NVL: variants seen among roughly 807,000 people sequenced by gnomAD.
NVL encodes nuclear valosin-containing protein-like.
NVL carries 84 observed loss-of-function variants against 110.2 expected under a neutral mutation model. That is an observed-to-expected ratio of 0.76 (90% CI 0.64 to 0.91). The LOEUF (loss-of-function observed/expected upper bound fraction) is 0.91, where lower values mean the gene tolerates loss of function less well. Ranked by LOEUF, NVL falls within the 40% of genes least tolerant of loss-of-function variation. The pLI is 0.00. For missense variants in NVL, 882 were observed against 1,035.9 expected (o/e 0.85, Z 2.04); for synonymous variants, 354 against 361.1 (o/e 0.98, Z 0.22).
At chr1:224,229,250 T>C (rs1015362851) in intron 22 of NVL, among the ~76,000 whole-genome samples, 1 of 151,734 alleles carries the variant, frequency 6.6e-6, no homozygotes, top group Non-Finnish European at 1.5e-5. Context: ...GAGCTGCGAT[T>C]GTGCCATTGC....
chr1:224,316,607 G>A (rs1280356832), intron 4 of NVL, among the ~76,000 whole-genome samples: 2 of 148,132 alleles, frequency 1.4e-5, no homozygotes, highest in African/African-American at 5.0e-5. Context: ...GGAAGTCAAG[G>A]CTGCAATGAG....
intron 6 of NVL, among the ~76,000 whole-genome samples, chr1:224,307,554 G>A (rs1669051573): frequency 6.6e-6 from 1 of 152,082 alleles, no homozygotes; most frequent in Admixed American, 6.6e-5. Flanking sequence ...ATATAAGTTA[G>A]CTAGGTGTGG....
At chr1:224,281,411 C>T (rs1403837177) in intron 15 of NVL, among the ~76,000 whole-genome samples, 1 of 151,680 alleles carries the variant, frequency 6.6e-6, no homozygotes, top group South Asian at 2.1e-4. Context: ...CGCCATTCTC[C>T]TGCCTCAGCC....
At chr1:224,271,071 T>G (rs1312311490) in intron 17 of NVL, among the ~76,000 whole-genome samples, 1 of 152,220 alleles carries the variant, frequency 6.6e-6, no homozygotes, top group Admixed American at 6.5e-5. Context: ...TATTTACAAC[T>G]GGAAACAATC....
chr1:224,258,939 G>A (rs1663608588), intron 18 of NVL, among the ~76,000 whole-genome samples: 1 of 137,648 alleles, frequency 7.3e-6, no homozygotes. Context: ...GGCCAGGAGT[G>A]CGAGACCAAC....
intron 5 of NVL, among the ~76,000 whole-genome samples, chr1:224,311,340 C>T (rs368873560): frequency 5.3e-5 from 8 of 150,544 alleles, no homozygotes; most frequent in African/African-American, 1.2e-4. Context: ...GGATTACAGG[C>T]GTGAGCCACG....
intron 2 of NVL, among the ~76,000 whole-genome samples, chr1:224,323,988 T>G (rs2102796671): frequency 6.6e-6 from 1 of 152,314 alleles, no homozygotes; most frequent in Admixed American, 6.5e-5. Context: ...CACTAAACAA[T>G]GGAGACACAT....
chr1:224,261,022 C>A (rs769446331), intron 18 of NVL, among the ~76,000 whole-genome samples: 1 of 152,002 alleles, frequency 6.6e-6, no homozygotes, highest in African/African-American at 2.4e-5. Context: ...ACTATGGGCA[C>A]GTGCTACCAC....
At chr1:224,321,279 CAA>C (rs1205788807) in intron 2 of NVL, among the ~76,000 whole-genome samples, 4 of 152,074 alleles carry the variant, frequency 2.6e-5, no homozygotes, top group East Asian at 1.9e-4. Flanking sequence ...AAAAATTAAA[CAA>C]AGAGAGAAAG....
chr1:224,304,344 G>A (rs1421458161), intron 8 of NVL, among the ~76,000 whole-genome samples: 1 of 152,136 alleles, frequency 6.6e-6, no homozygotes, highest in African/African-American at 2.4e-5. Context: ...AGAATCTCTT[G>A]AACCTGGGAG....
intron 20 of NVL, among the ~76,000 whole-genome samples, chr1:224,233,985 G>C (rs1660186972): frequency 6.6e-6 from 1 of 152,070 alleles, no homozygotes; most frequent in African/African-American, 2.4e-5. Context: ...AGCCTGGGGG[G>C]CAAAGGCTAT....
At chr1:224,319,640 G>A (rs528770568) in intron 2 of NVL, among the ~76,000 whole-genome samples, 4 of 151,964 alleles carry the variant, frequency 2.6e-5, no homozygotes, top group Non-Finnish European at 5.9e-5. Flanking sequence ...AAGGATCCAG[G>A]CCAGCTAATT....
At chr1:224,318,059 C>G in intron 2 of NVL, 129 bp from the exon 3 acceptor site, 1 of 549,028 alleles carries the variant, frequency 1.8e-6, no homozygotes, top group Admixed American at 3.8e-5. Flanking sequence ...TTGCCATAAC[C>G]CTATTTTCAA....
chr1:224,227,365 A>G lies in NVL; in HGVS notation c.*261T>C, dbSNP rs1659303445. On this transcript the variant is annotated 3_prime_UTR_variant, in exon 23 of 23. Transcript: ENST00000281701. The stretch of plus-strand genomic sequence containing the variant: ...CAAAATAGTTCAAAGTAAAAGTTTT[A>G]TTTGAAAAATGTAACAGTCATTTTA... 7.1e-6 allele frequency: 2 copies of G among 281,036 alleles called. No individual in the cohort carries two copies. Among genetic ancestry groups the G allele is most frequent in the Non-Finnish European group, 1.4e-5 (2 of 148,048 alleles). 17.4% of individuals were successfully genotyped at this position (281,036 alleles called of 1,614,324 possible). A position where few individuals can be genotyped will look rare whatever the true frequency, so the allele number is the denominator to read the frequency against.
chr1:224,279,433 A>T (rs1304917307), intron 16 of NVL, among the ~76,000 whole-genome samples: 5 of 152,178 alleles, frequency 3.3e-5, no homozygotes, highest in Non-Finnish European at 7.3e-5. Context: ...TCTCTCAAAA[A>T]ACAAAACAAA....
intron 18 of NVL, among the ~76,000 whole-genome samples, chr1:224,262,769 G>T (rs1482909527): frequency 6.6e-6 from 1 of 152,116 alleles, no homozygotes; most frequent in Non-Finnish European, 1.5e-5. Flanking sequence ...AAAAATGAGG[G>T]CCACTGAATC....
At chr1:224,316,800 G>A (rs1292368526) in intron 4 of NVL, among the ~76,000 whole-genome samples, 1 of 152,082 alleles carries the variant, frequency 6.6e-6, no homozygotes, top group Non-Finnish European at 1.5e-5. Context: ...ATAGTTCAGT[G>A]AGTATATCTA....
chr1:224,235,675 C>T (rs1427225657), intron 20 of NVL, among the ~76,000 whole-genome samples: 1 of 151,990 alleles, frequency 6.6e-6, no homozygotes, highest in Non-Finnish European at 1.5e-5. Flanking sequence ...TCACTGTAAT[C>T]CCAGCACTTT....
At chr1:224,231,718 T>C (rs1259733251) in intron 21 of NVL, among the ~76,000 whole-genome samples, 1 of 152,130 alleles carries the variant, frequency 6.6e-6, no homozygotes, top group Non-Finnish European at 1.5e-5. Flanking sequence ...ATAATATATC[T>C]CAGCACTGGT....
Sources: gnomAD v4.1 joint callset for allele counts (sites outside exome capture counted in the v4.1 genomes callset) on GRCh38, gnomAD v4.1.1 for gene constraint, MANE v1.5 for transcripts, NCBI Gene and HGNC (gene_info 2026-07-23, HGNC 2026-07-21) for gene names.